Variants in KCNC2 observed in about 807,000 individuals in gnomAD.
The protein encoded by KCNC2 is potassium voltage-gated channel subfamily C member 2.
In KCNC2, 21 loss-of-function variants were observed where a neutral mutation model predicts 44.5. The observed-to-expected ratio is 0.47, with a 90% CI of 0.33 to 0.68. KCNC2 has a LOEUF of 0.68. KCNC2 is among the 30% of genes least tolerant of loss of function. KCNC2 has a pLI of 0.01. For missense variants in KCNC2, 589 were observed against 826.2 expected (o/e 0.71, Z 3.52); for synonymous variants, 391 against 339.1 (o/e 1.15, Z -1.68).
At chr12:75,147,731 T>A (rs1317891248) in intron 2 of KCNC2, among the ~76,000 whole-genome samples, 1 of 152,132 alleles carries the variant, frequency 6.6e-6, no homozygotes, top group African/African-American at 2.4e-5. Flanking sequence ...GAAAAAGACA[T>A]GGATAGATCC....
intron 2 of KCNC2, among the ~76,000 whole-genome samples, chr12:75,065,830 A>C (rs1339030710): frequency 6.6e-6 from 1 of 152,118 alleles, no homozygotes; most frequent in Non-Finnish European, 1.5e-5. Context: ...AATATTTATA[A>C]TATTGCCAGT....
At chr12:75,104,016 C>G (rs763094069) in intron 2 of KCNC2, among the ~76,000 whole-genome samples, 1 of 152,014 alleles carries the variant, frequency 6.6e-6, no homozygotes, top group Non-Finnish European at 1.5e-5. Flanking sequence ...TCTGATGATG[C>G]GTCAGAAGGA....
chr12:75,189,254 T>G (rs914643145), intron 2 of KCNC2, among the ~76,000 whole-genome samples: 1 of 152,208 alleles, frequency 6.6e-6, no homozygotes, highest in Non-Finnish European at 1.5e-5. Flanking sequence ...CAGTCATTAG[T>G]GTTTTGATAG....
chr12:75,153,113 G>A (rs1033885884), intron 2 of KCNC2, among the ~76,000 whole-genome samples: 2 of 151,838 alleles, frequency 1.3e-5, no homozygotes, highest in African/African-American at 2.4e-5. Flanking sequence ...TCCACAAAAA[G>A]TCAACACTAA....
At chr12:75,127,688 T>G (rs1371604927) in intron 2 of KCNC2, among the ~76,000 whole-genome samples, 1 of 152,194 alleles carries the variant, frequency 6.6e-6, no homozygotes, top group Admixed American at 6.5e-5. Flanking sequence ...AAATGTGTCA[T>G]GGTTTTTACC....
chr12:75,207,686 G>A lies in KCNC2; in HGVS notation c.298C>T (p.Arg100Cys). ...GGGTGCCGGTCGAAGAAGAACTCGC[G>A]GCCGCCACCGGGATGGTCGCTGGCC... ...GRASDHPGGG[R>C]EFFFDRHPGV... is the part of the protein sequence containing the mutation. The change falls in exon 2 of 5, where the codon CGC (arginine) becomes TGC (cysteine). Residue 100 changes from arginine (R) to cysteine (C), a missense_variant. Arg to Cys is a radical substitution (Grantham distance 180). This residue lies in a region of KCNC2 where 40 missense variants were observed against 102.0 expected (regional missense o/e 0.39). Coordinates refer to ENST00000549446, the MANE Select transcript of KCNC2 (RefSeq NM_139137.4). This position sits in a 1 kb window ranked among gnomAD's most constrained non-coding sequence, Gnocchi z 4.1. 2 of 1,600,934 alleles carry A rather than the reference G, an allele frequency of 1.2e-6. No individual in the cohort carries two copies. Among genetic ancestry groups the A allele is most frequent in the Non-Finnish European group, 8.5e-7 (1 of 1,174,768 alleles).
chr12:75,148,876 A>G (rs922085396), intron 2 of KCNC2, among the ~76,000 whole-genome samples: 1 of 151,856 alleles, frequency 6.6e-6, no homozygotes, highest in Non-Finnish European at 1.5e-5. Flanking sequence ...CAGCTCAACA[A>G]TTTGAGGATT....
chr12:75,073,799 A>T (rs7295327), intron 2 of KCNC2, among the ~76,000 whole-genome samples: 135,022 of 152,184 alleles, frequency 0.89, 59,949 homozygotes, highest in Admixed American at 0.91. Flanking sequence ...GGTAGTAATT[A>T]TCATTCCTAT....
At chr12:75,117,091 A>T (rs1437515523) in intron 2 of KCNC2, among the ~76,000 whole-genome samples, 1 of 127,886 alleles carries the variant, frequency 7.8e-6, no homozygotes, top group Admixed American at 7.3e-5. Flanking sequence ...TTGTGGTTTA[A>T]AAAAAAAATA....
At chr12:75,099,873 G>C (rs1188399631) in intron 2 of KCNC2, among the ~76,000 whole-genome samples, 2 of 152,120 alleles carry the variant, frequency 1.3e-5, no homozygotes, top group African/African-American at 4.8e-5. Context: ...AGCTTTCTCA[G>C]ATACAAAATG....
chr12:75,129,791 A>G (rs933490097), intron 2 of KCNC2, among the ~76,000 whole-genome samples: 2 of 152,234 alleles, frequency 1.3e-5, no homozygotes, highest in African/African-American at 4.8e-5. Context: ...CATTCATGAA[A>G]TGATGCAATG....
intron 2 of KCNC2, among the ~76,000 whole-genome samples, chr12:75,121,743 A>T (rs1284756502): frequency 6.6e-6 from 1 of 152,196 alleles, no homozygotes; most frequent in Admixed American, 6.5e-5. Flanking sequence ...CATATTGGAT[A>T]GATTAAAGTG....
chr12:75,144,657 C>A (rs1889890615), intron 2 of KCNC2, among the ~76,000 whole-genome samples: 1 of 149,380 alleles, frequency 6.7e-6, no homozygotes, highest in South Asian at 2.1e-4. Context: ...TATATATGTA[C>A]AACACACCAA....
In KCNC2 at chr12:75,090,538, G is replaced by C. The variant is rs558204328; in HGVS notation, c.688-39221C>G. 1.1e-4 allele frequency among the ~76,000 whole-genome samples: 17 copies of C among 151,654 alleles called. No individual in the cohort carries two copies. The South Asian group carries it at 3.5e-3, about 31-fold the overall frequency. Reference sequence around the variant, plus strand: ...CTTAGCACAGCATTAAGGAATTTCAGGATCCTTTACCCCTGCCACCAGTGA... The same window carrying C: ...CTTAGCACAGCATTAAGGAATTTCACGATCCTTTACCCCTGCCACCAGTGA... On this transcript the variant is annotated intron_variant, in intron 2 of 4. Coordinates refer to ENST00000549446, the MANE Select transcript of KCNC2 (RefSeq NM_139137.4).
chr12:75,187,221 G>A (rs1350519), intron 2 of KCNC2, among the ~76,000 whole-genome samples: 34,708 of 152,114 alleles, frequency 0.23, 4,236 homozygotes, highest in Middle Eastern at 0.36. Flanking sequence ...AGTGGAGGTA[G>A]TGTGTGTGAC....
At chr12:75,076,160 A>G (rs1180357584) in intron 2 of KCNC2, among the ~76,000 whole-genome samples, 3 of 152,212 alleles carry the variant, frequency 2.0e-5, no homozygotes, top group Non-Finnish European at 4.4e-5. Flanking sequence ...TCATTTAAAC[A>G]TTTTGAGTTC....
At chr12:75,197,500 C>T (rs2030876214) in intron 2 of KCNC2, among the ~76,000 whole-genome samples, 1 of 152,004 alleles carries the variant, frequency 6.6e-6, no homozygotes, top group African/African-American at 2.4e-5. Context: ...ATATCAATGT[C>T]TCTACTATAT....
In KCNC2 at chr12:75,143,739, A is replaced by G. The variant is rs544913683; in HGVS notation, c.687+63558T>C. Among the ~76,000 whole-genome samples the G allele has an allele frequency of 7.2e-5, 11 of 152,302 alleles. No individual in the cohort carries two copies. The South Asian group carries it at 2.3e-3, about 32-fold the overall frequency. Reference sequence around the variant, plus strand: ...CCCTTTCTAGAACTGTATTTTTAAAAAACATCTAGTGAGTTGTATTTTTCA... The same window carrying G: ...CCCTTTCTAGAACTGTATTTTTAAAGAACATCTAGTGAGTTGTATTTTTCA... On this transcript the variant is annotated intron_variant, in intron 2 of 4. Transcript: ENST00000549446.
chr12:75,187,719 T>TATCACAAGTCACAC (rs1212649590), intron 2 of KCNC2, among the ~76,000 whole-genome samples: 41 of 152,290 alleles, frequency 2.7e-4, no homozygotes, highest in African/African-American at 9.6e-4. Flanking sequence ...TGTCTGAAAA[T>TATCACAAGTCACAC]ATCACAAGTC....
Sources: gnomAD v4.1 joint callset for allele counts (sites outside exome capture counted in the v4.1 genomes callset) on GRCh38, gnomAD v4.1.1 for gene constraint, gnomAD v4.1.1 regional missense constraint, Gnocchi (gnomAD v3.1) non-coding constraint, MANE v1.5 for transcripts, NCBI Gene and HGNC (gene_info 2026-07-23, HGNC 2026-07-21) for gene names.